The following SETMAR variants were observed in gnomAD, a reference collection of about 807,000 sequenced individuals.
SETMAR encodes histone-lysine N-methyltransferase SETMAR.
Under a neutral mutation model 58.4 loss-of-function variants are expected in SETMAR, and 44 were observed. The observed-to-expected ratio is 0.75, with a 90% CI of 0.59 to 0.97. The LOEUF (loss-of-function observed/expected upper bound fraction) is 0.97, where lower values mean the gene tolerates loss of function less well. SETMAR is among the 50% of genes least tolerant of loss of function. The pLI is 0.00. For synonymous variants in SETMAR, 332 were observed against 307.4 expected, an observed-to-expected ratio of 1.08 and a Z score of -0.84; for missense variants, 903 against 840.2, an observed-to-expected ratio of 1.07 and a Z score of -0.92.
intron 1 of SETMAR, 109 bp downstream of exon 1, chr3:4,303,635 T>C: frequency 7.0e-7 from 1 of 1,419,286 alleles, no homozygotes; most frequent in Non-Finnish European, 9.2e-7. Flanking sequence ...TTGTCTTCTC[T>C]TACAGCGCAC....
chr3:4,316,309 A>G lies in SETMAR; in HGVS notation c.1118A>G (p.Asn373Ser), dbSNP rs1474117353. ...GCAGCAGAAACAACTCGCAACATCA[A>G]CAATGCATTTGGCCCAGGAACTGCT... ...RKAAETTRNI[N>S]NAFGPGTANE... is the part of the protein sequence containing the mutation. The change falls in exon 3 of 3, where the codon AAC becomes AGC. Residue 373 changes from asparagine (N) to serine (S), a missense_variant. Asn to Ser is a conservative substitution (Grantham distance 46, BLOSUM62 1). Coordinates refer to ENST00000358065, the MANE Select transcript of SETMAR (RefSeq NM_006515.4). 3.5e-6 allele frequency: 4 copies of G among 1,145,192 alleles called. No homozygotes were observed. The highest frequency in any genetic ancestry group is 1.3e-5 in the South Asian group (1 of 76,364). The allele number at this position is 1,145,192 out of a possible 1,614,324, so 70.9% of individuals were successfully genotyped here. A position where few individuals can be genotyped will look rare whatever the true frequency, so the allele number is the denominator to read the frequency against.
In SETMAR at chr3:4,313,495, A is replaced by G. The variant is rs376079964; in HGVS notation, c.754A>G (p.Ile252Val). 6.2e-7 allele frequency: 1 copy of G among 1,613,970 alleles called. No individual in the cohort carries two copies. Among genetic ancestry groups the G allele is most frequent in the South Asian group, 1.1e-5 (1 of 91,070 alleles). ...GTTGGCACTTTTTGCAGCCAAAGAT[A>G]TTGTGCCAGAAGAAGAACTCTCTTA... ...PKLALFAAKD[I>V]VPEEELSYDY... Residue 252 changes from isoleucine (I) to valine (V), a missense_variant, in exon 2 of 3, where the codon ATT becomes GTT. By Grantham distance (29) the Ile-to-Val change is conservative. Coordinates refer to ENST00000358065, the MANE Select transcript of SETMAR (RefSeq NM_006515.4).
chr3:4,316,742 TCCAAAGCACTTC>T lies in SETMAR; in HGVS notation c.1559_1570del (p.His520_Lys523del), dbSNP rs1344270560. ...CTCAGTGGTTGGATCAAGAAGAAGC[TCCAAAGCACTTC>T]CCAAAGCCAATCTTGCACCCAAAAA... On this transcript the variant is annotated inframe_deletion, in exon 3 of 3. Transcript: ENST00000358065. 1.9e-6 allele frequency: 3 copies of T among 1,550,718 alleles called. No individual in the cohort carries two copies.
chr3:4,305,275 AG>A (rs1698145533), intron 1 of SETMAR, among the ~76,000 whole-genome samples: 1 of 152,018 alleles, frequency 6.6e-6, no homozygotes, highest in Admixed American at 6.6e-5. Context: ...TAGTAGAGAC[AG>A]GGTTTTACCA....
chr3:4,317,179 C>A lies in SETMAR; in HGVS notation c.1988C>A (p.Thr663Lys), dbSNP rs1190109325. Residue 663 changes from threonine to lysine, a missense_variant, in exon 3 of 3, where the codon ACA (threonine) becomes AAA (lysine). Thr to Lys is a moderately conservative substitution (Grantham distance 78, BLOSUM62 -1). Transcript: ENST00000358065. ...VESQSTDFYA[T>K]GINQLISRWQ... Reference sequence around the variant, plus strand: ...TCCCAAAGCACGGATTTTTACGCTACAGGAATAAACCAACTTATTTCTCGT... The same window carrying A: ...TCCCAAAGCACGGATTTTTACGCTAAAGGAATAAACCAACTTATTTCTCGT... The A allele has an allele frequency of 1.9e-6, 3 of 1,550,138 alleles. No individual in the cohort carries two copies. The highest frequency in any genetic ancestry group is 2.0e-5 in the Admixed American group (1 of 50,972).
At chr3:4,316,046 CAAAAAAAA>C (rs774059331) in intron 2 of SETMAR, among the ~76,000 whole-genome samples, 158 bp from the exon 3 acceptor site, 3 of 76,886 alleles carry the variant, frequency 3.9e-5, no homozygotes, top group Non-Finnish European at 5.4e-5. Flanking sequence ...GACTCTGTCT[CAAAAAAAA>C]AAAAAAAAAA....
chr3:4,305,286 A>G (rs1437678812), intron 1 of SETMAR, among the ~76,000 whole-genome samples: 1 of 152,062 alleles, frequency 6.6e-6, no homozygotes, highest in Non-Finnish European at 1.5e-5. Context: ...GGGTTTTACC[A>G]TGTTGCCCAG....
At chr3:4,312,703 T>TA (rs375529794) in intron 1 of SETMAR, among the ~76,000 whole-genome samples, 195 bp from the exon 2 acceptor site, 35,882 of 135,796 alleles carry the variant, frequency 0.26, 6,734 homozygotes, top group African/African-American at 0.54. Context: ...CCCTGTCTCT[T>TA]AAAAAAAAAA....
chr3:4,304,979 G>C (rs184649999), intron 1 of SETMAR, among the ~76,000 whole-genome samples: 3 of 151,328 alleles, frequency 2.0e-5, no homozygotes, highest in African/African-American at 7.3e-5. Flanking sequence ...TGGTGGGGGG[G>C]GCTTCCAGAC....
chr3:4,315,873 C>T (rs554563243), intron 2 of SETMAR, among the ~76,000 whole-genome samples: 54 of 151,628 alleles, frequency 3.6e-4, no homozygotes, highest in Admixed American at 2.6e-4. Flanking sequence ...ATGGTGAAAC[C>T]CCATCTCTAC....
In SETMAR at chr3:4,313,674, G is replaced by A. The variant is rs1033437042; in HGVS notation, c.933G>A (p.Ser311=). ...DSSLYCPVEK[S]NISCGNEKEP... is the part of the protein sequence containing the mutation. Reference sequence around the variant, plus strand: ...CTCTGTACTGCCCCGTAGAAAAGTCGAACATCAGTTGTGGAAATGAGAAGG... The same window carrying A: ...CTCTGTACTGCCCCGTAGAAAAGTCAAACATCAGTTGTGGAAATGAGAAGG... Residue 311 remains serine, a synonymous_variant, in exon 2 of 3, where the codon TCG becomes TCA. Coordinates refer to ENST00000358065, the MANE Select transcript of SETMAR (RefSeq NM_006515.4). The A allele has an allele frequency of 7.4e-6, 12 of 1,613,840 alleles. No homozygotes were observed. The highest frequency in any genetic ancestry group is 1.7e-5 in the Admixed American group (1 of 59,942).
chr3:4,313,653 G>A lies in SETMAR; in HGVS notation c.912G>A (p.Leu304=), dbSNP rs140605054. The A allele has an allele frequency of 6.2e-7, 1 of 1,614,028 alleles. No homozygotes were observed. The highest frequency in any genetic ancestry group is 1.1e-5 in the South Asian group (1 of 91,084). The change falls in exon 2 of 3, where the codon CTG becomes CTA. Residue 304 remains leucine (L), a synonymous_variant. Coordinates refer to ENST00000358065, the MANE Select transcript of SETMAR (RefSeq NM_006515.4). ...CTTTCCTGCCTTTTGACAGTTCTCT[G>A]TACTGCCCCGTAGAAAAGTCGAACA... ...CTAFLPFDSS[L]YCPVEKSNIS...
At chr3:4,303,902 C>T (rs1269268494) in intron 1 of SETMAR, 1 of 1,232,284 alleles carries the variant, frequency 8.1e-7, no homozygotes, top group Non-Finnish European at 1.0e-6. Flanking sequence ...TAATGGATCG[C>T]AGCCGGTGTC....
intron 1 of SETMAR, among the ~76,000 whole-genome samples, chr3:4,308,206 G>A (rs1346963846): frequency 1.3e-5 from 2 of 152,192 alleles, no homozygotes; most frequent in African/African-American, 2.4e-5. Context: ...TATACAGTCC[G>A]ATGGCTTCCT....
At chr3:4,305,977 T>TA (rs1268598399) in intron 1 of SETMAR, among the ~76,000 whole-genome samples, 2 of 152,178 alleles carry the variant, frequency 1.3e-5, no homozygotes, top group Non-Finnish European at 2.9e-5. Flanking sequence ...AACACTGATT[T>TA]AAAAAACCAC....
Position 4,316,290 on chromosome 3 carries a change from GA to G in SETMAR, c.1102del (p.Thr368GlnfsTer50). 3.8e-6 allele frequency: 4 copies of G among 1,040,012 alleles called. No individual in the cohort carries two copies. Among genetic ancestry groups the G allele is most frequent in the Non-Finnish European group, 5.8e-6 (4 of 694,548 alleles). The allele number at this position is 1,040,012 out of a possible 1,614,324, so 64.4% of individuals were successfully genotyped here. On this transcript the variant is annotated frameshift_variant, in exon 3 of 3. Coordinates refer to ENST00000358065, the MANE Select transcript of SETMAR (RefSeq NM_006515.4). LOFTEE classifies it high-confidence loss of function. Reference protein sequence around the residue: ...FEFKMGRKAAETTRNINNAFG... With the variant: ...FEFKMGRKAAXTTRNINNAFG... ...GTTCAAAATGGGTCGTAAAGCAGCA[GA>G]AACAACTCGCAACATCAACAATGCA...
In SETMAR at chr3:4,316,715, A is replaced by G. The variant is rs923771293; in HGVS notation, c.1524A>G (p.Ser508=). 5.8e-6 allele frequency: 9 copies of G among 1,550,916 alleles called. No homozygotes were observed. In the African/African-American group the frequency reaches 1.1e-4, roughly 19 times the overall value. The change falls in exon 3 of 3, where the codon TCA becomes TCG. Residue 508 remains serine (S), a synonymous_variant. Transcript: ENST00000358065. ...TTTTATATGACAACCGGCGACGATC[A>G]GCTCAGTGGTTGGATCAAGAAGAAG... ...KWILYDNRRR[S]AQWLDQEEAP... is the part of the protein sequence containing the mutation.
At position 4,303,409 on chromosome 3, in the gene SETMAR, G is replaced by T. The variant is rs767718009; in HGVS notation, c.39G>T (p.Gly13=). 1 of 1,557,730 alleles carries T rather than the reference G, an allele frequency of 6.4e-7. No individual in the cohort carries two copies. Among genetic ancestry groups the T allele is most frequent in the Non-Finnish European group, 8.6e-7 (1 of 1,156,564 alleles). Residue 13 remains glycine (G), a synonymous_variant, in exon 1 of 3, where the codon GGG becomes GGT. Transcript: ENST00000358065. ...AEAAKTTRPC[G]MAEFKEKPEA... ...CGGCAAAGACGACACGGCCTTGTGG[G>T]ATGGCGGAGTTTAAGGAGAAGCCTG...
chr3:4,308,484 A>T (rs1232204018), intron 1 of SETMAR, among the ~76,000 whole-genome samples: 1 of 152,250 alleles, frequency 6.6e-6, no homozygotes, highest in African/African-American at 2.4e-5. Flanking sequence ...AGAAGAATTG[A>T]AAGAAGCCAA....
Sources: gnomAD v4.1 joint callset for allele counts (sites outside exome capture counted in the v4.1 genomes callset) on GRCh38, gnomAD v4.1.1 for gene constraint, MANE v1.5 for transcripts, NCBI Gene and HGNC (gene_info 2026-07-23, HGNC 2026-07-21) for gene names.